The following UCKL1 variants were observed in gnomAD, a reference collection of about 807,000 sequenced individuals.
The protein encoded by UCKL1 is uridine-cytidine kinase-like 1.
In UCKL1, 65 loss-of-function variants were observed where a neutral mutation model predicts 59.2. The observed-to-expected ratio is 1.10, with a 90% confidence interval of 0.90 to 1.35. The LOEUF (loss-of-function observed/expected upper bound fraction) is 1.35, where lower values mean the gene tolerates loss of function less well. Among genes scored for constraint, UCKL1 ranks in the 40% most tolerant of loss-of-function variants. UCKL1 has a pLI of 0.00. For synonymous variants in UCKL1, 410 were observed against 323.1 expected (o/e 1.27, Z -2.88); for missense variants, 703 against 784.3 (o/e 0.90, Z 1.24).
At chr20:63,948,671 G>GAGGGGCGTGTGTGAGAGGC (rs2057037043) in intron 1 of UCKL1, among the ~76,000 whole-genome samples, 1 of 134,376 alleles carries the variant, frequency 7.4e-6, no homozygotes, top group Non-Finnish European at 1.6e-5. Flanking sequence ...GTGTGAGAGG[G>GAGGGGCGTGTGTGAGAGGC]AGGGGGTGTG....
chr20:63,944,662 T>C lies in UCKL1; in HGVS notation c.727A>G (p.Ser243Gly), dbSNP rs1318147762. The change falls in exon 6 of 15, where the codon AGT becomes GGT. Residue 243 changes from serine to glycine, a missense_variant. Ser to Gly is a moderately conservative substitution (Grantham distance 56). This residue lies in a region of UCKL1 where 398 missense variants were observed against 373.0 expected (regional missense o/e 1.07). Transcript: ENST00000354216. ...CCCTCGATGTCCCGGCCGCGCTCAC[T>C]GATGTCCCGGCGCAGCCGCCGTACC... ...RLVRRLRRDISERGRDIEGVI... is the reference protein window; with the variant it reads ...RLVRRLRRDIGERGRDIEGVI... 3 of 1,612,798 alleles carry C rather than the reference T, an allele frequency of 1.9e-6. No individual in the cohort carries two copies. The highest frequency in any genetic ancestry group is 2.5e-6 in the Non-Finnish European group (3 of 1,179,952).
At position 63,940,225 on chromosome 20, in the gene UCKL1, A is replaced by G; in HGVS notation, c.1492T>C (p.Phe498Leu). ...EMGVHSVAYA[F>L]PRVRIITTAV... ...GTGGTGATGATTCTCACTCGCGGAA[A>G]TGCATAGGCCACTGAGTGCACGCCC... is the stretch of plus-strand genomic sequence containing the variant. Residue 498 changes from phenylalanine (F) to leucine (L), a missense_variant, in exon 14 of 15, where the codon TTT (phenylalanine) becomes CTT (leucine). Phe to Leu is a conservative substitution (Grantham distance 22). Around this residue, in one of 4 missense-constraint regions of UCKL1, gnomAD observed 124 missense variants for 161.1 expected, o/e 0.77. Transcript: ENST00000354216. 1.2e-6 allele frequency: 2 copies of G among 1,612,796 alleles called. No individual in the cohort carries two copies. The highest frequency in any genetic ancestry group is 1.7e-5 in the Admixed American group (1 of 60,020).
At position 63,940,788 on chromosome 20, in the gene UCKL1, A is replaced by G. The variant is rs2054163903; in HGVS notation, c.1179+6T>C. 3.1e-6 allele frequency: 5 copies of G among 1,593,888 alleles called. No homozygotes were observed. The highest frequency in any genetic ancestry group is 4.3e-6 in the Non-Finnish European group (5 of 1,171,402). On this transcript the variant is annotated splice_donor_region_variant and intron_variant, in intron 11 of 14. Transcript: ENST00000354216. Reference sequence around the variant, plus strand: ...GTCCCGCGCCCAGGTGTGCCCAGGCAGGTACCTGCTTCCCCGCATAGCACT... The same window carrying G: ...GTCCCGCGCCCAGGTGTGCCCAGGCGGGTACCTGCTTCCCCGCATAGCACT...
Position 63,944,403 on chromosome 20 carries a change from C to T in UCKL1, c.900G>A (p.Leu300=), listed in dbSNP as rs1187658578. ...GACGTGGGACCCCGCTCACCTCCTC[C>T]AGCTGGCTGTGCACGTGCTGCACAA... ...DLIVQHVHSQ[L]EERELSVRAA... The change falls in exon 7 of 15, where the codon CTG becomes CTA. Residue 300 remains leucine, a synonymous_variant. Coordinates refer to ENST00000354216, the MANE Select transcript of UCKL1 (RefSeq NM_017859.4). 1.3e-6 allele frequency: 2 copies of T among 1,564,296 alleles called. No individual in the cohort carries two copies. Among genetic ancestry groups the T allele is most frequent in the Admixed American group, 1.9e-5 (1 of 53,370 alleles).
intron 14 of UCKL1, 36 bp from the exon 15 acceptor site, chr20:63,940,091 G>A (rs755794662): frequency 1.2e-6 from 2 of 1,610,410 alleles, no homozygotes; most frequent in South Asian, 2.2e-5. Context: ...GTGTGGTGGG[G>A]CCTCCCAGGG....
chr20:63,953,737 C>G (rs2058082255), intron 1 of UCKL1: 2 of 152,448 alleles, frequency 1.3e-5, no homozygotes, highest in Non-Finnish European at 2.9e-5. Context: ...TGTGTGGAGA[C>G]CTGGAGGCAG....
Position 63,939,950 on chromosome 20 carries a change from T to G in UCKL1, c.*26A>C. 1 of 1,604,768 alleles carries G rather than the reference T, an allele frequency of 6.2e-7. No individual in the cohort carries two copies. The highest frequency in any genetic ancestry group is 8.5e-7 in the Non-Finnish European group (1 of 1,173,612). Reference sequence around the variant, plus strand: ...GGGTCAGGAGGCAGGAGGAGGGTGGTGGGGACGGGATGGCTCACTGGGCAG... The same window carrying G: ...GGGTCAGGAGGCAGGAGGAGGGTGGGGGGGACGGGATGGCTCACTGGGCAG... On this transcript the variant is annotated 3_prime_UTR_variant, in exon 15 of 15. Coordinates refer to ENST00000354216, the MANE Select transcript of UCKL1 (RefSeq NM_017859.4).
In UCKL1 at chr20:63,940,487, T is replaced by C; in HGVS notation, c.1303-2A>G. ...CTTGGGCAGCCTCAGGTAGTGGAGC[T>C]GCGGGCAGCAGGGGTCAGGCTGCAG... is the stretch of plus-strand genomic sequence containing the variant. On this transcript the variant is annotated splice_acceptor_variant, in intron 12 of 14. Transcript: ENST00000354216. LOFTEE classifies it high-confidence loss of function. 1 of 1,610,544 alleles carries C rather than the reference T, an allele frequency of 6.2e-7. No homozygotes were observed. The highest frequency in any genetic ancestry group is 8.5e-7 in the Non-Finnish European group (1 of 1,179,346).
intron 1 of UCKL1, 55 bp downstream of exon 1, chr20:63,956,205 G>A: frequency 7.1e-7 from 1 of 1,411,802 alleles, no homozygotes; most frequent in Non-Finnish European, 9.3e-7. Flanking sequence ...CAGCTCGGCC[G>A]GATCTGCAGC....
intron 8 of UCKL1, 146 bp downstream of exon 8, chr20:63,943,507 C>G: frequency 1.7e-6 from 2 of 1,173,724 alleles, no homozygotes; most frequent in Non-Finnish European, 2.4e-6. Flanking sequence ...CAAGGGGAGG[C>G]AGAAGCAGGG....
In UCKL1 at chr20:63,956,343, A is replaced by G; in HGVS notation, c.30T>C (p.Ala10=). 1.3e-6 allele frequency: 2 copies of G among 1,547,064 alleles called. No individual in the cohort carries two copies. The highest frequency in any genetic ancestry group is 8.7e-7 in the Non-Finnish European group (1 of 1,149,886). Residue 10 remains alanine (A), a synonymous_variant, in exon 1 of 15, where the codon GCT becomes GCC. Coordinates refer to ENST00000354216, the MANE Select transcript of UCKL1 (RefSeq NM_017859.4). Reference sequence around the variant, plus strand: ...TAGGTGGCGACGTGGGCGAAGGATCAGCGTCCGCGCGGGCCGGGGGCGCAG... The same window carrying G: ...TAGGTGGCGACGTGGGCGAAGGATCGGCGTCCGCGCGGGCCGGGGGCGCAG... MAAPPARAD[A]DPSPTSPPTA...
chr20:63,941,954 G>A (rs1211965604), intron 8 of UCKL1, among the ~76,000 whole-genome samples: 1 of 150,960 alleles, frequency 6.6e-6, no homozygotes, highest in African/African-American at 2.4e-5. Flanking sequence ...GGCAGGGCAC[G>A]GAATTGGGTG....
rs2056625708 is a variant in UCKL1 at position 63,947,712 on chromosome 20, A to C, written c.114-1069T>G. On this transcript the variant is annotated intron_variant, in intron 1 of 14. Transcript: ENST00000354216. ...AAGACAGAAACCTCCGGCATCTGGC[A>C]AACACCAGAGAGGAAAGTGCTGCCA... 2.6e-5 allele frequency among the ~76,000 whole-genome samples: 4 copies of C among 152,264 alleles called. No individual in the cohort carries two copies. In the South Asian group the frequency reaches 8.3e-4, roughly 31 times the overall value.
In UCKL1 at chr20:63,944,628, T is replaced by C. The variant is rs767933641; in HGVS notation, c.761A>G (p.Lys254Arg). 1.2e-6 allele frequency: 2 copies of C among 1,613,078 alleles called. No homozygotes were observed. The highest frequency in any genetic ancestry group is 1.3e-5 in the African/African-American group (1 of 74,942). Reference sequence around the variant, plus strand: ...GGGCTTGACAAACTTGTTGTACTGCTTGATGACACCCTCGATGTCCCGGCC... The same window carrying C: ...GGGCTTGACAAACTTGTTGTACTGCCTGATGACACCCTCGATGTCCCGGCC... The part of the protein sequence containing the change: ...ERGRDIEGVI[K>R]QYNKFVKPSF... The change falls in exon 6 of 15, where the codon AAG (lysine) becomes AGG (arginine). Residue 254 changes from lysine to arginine, a missense_variant. Physicochemically the swap from Lys to Arg is conservative, Grantham distance 26 (BLOSUM62 2). Transcript: ENST00000354216.
In UCKL1 at chr20:63,940,319, T is replaced by A; in HGVS notation, c.1411-13A>T. ...GCACGTCGTGGTCCTACCGAGTGTA[T>A]TGGGCAGGTAAATCCCACCTCTGCC... On this transcript the variant is annotated splice_polypyrimidine_tract_variant and intron_variant, in intron 13 of 14. Transcript: ENST00000354216. The A allele has an allele frequency of 6.8e-6, 11 of 1,612,516 alleles. No homozygotes were observed. The highest frequency in any genetic ancestry group is 9.3e-6 in the Non-Finnish European group (11 of 1,179,856).
In UCKL1 at chr20:63,946,287, C is replaced by A. The variant is rs781409674; in HGVS notation, c.305-20G>T. ...CCAAGCCTGCCGGCGGGAGTGGAGA[C>A]CCTCTGTGAGGAACAGGCAGGCTGC... is the stretch of plus-strand genomic sequence containing the variant. On this transcript the variant is annotated intron_variant, in intron 2 of 14. Transcript: ENST00000354216. 5 of 1,569,754 alleles carry A rather than the reference C, an allele frequency of 3.2e-6. No individual in the cohort carries two copies. The African/African-American group carries it at 5.4e-5, about 17-fold the overall frequency.
intron 1 of UCKL1, among the ~76,000 whole-genome samples, chr20:63,947,671 C>A (rs954036770): frequency 6.6e-6 from 1 of 152,262 alleles, no homozygotes; most frequent in South Asian, 2.1e-4. Flanking sequence ...CTTGCTGTGG[C>A]CCCTCCTGGG....
rs548379642 is a variant in UCKL1, at chr20:63,949,825, A to C, written c.114-3182T>G. ...CAGCACCGCCCTTGCGGCTGCCTGCACTTCCGCCATGCACCCTGGATTCCG... is the reference window on the plus strand; with the variant it reads ...CAGCACCGCCCTTGCGGCTGCCTGCCCTTCCGCCATGCACCCTGGATTCCG... On this transcript the variant is annotated intron_variant, in intron 1 of 14. Transcript: ENST00000354216. Among the ~76,000 whole-genome samples the C allele has an allele frequency of 7.9e-5, 12 of 152,344 alleles. No individual in the cohort carries two copies. The South Asian group carries it at 2.1e-3, about 26-fold the overall frequency.
rs774559290 is a variant in UCKL1 at position 63,945,886 on chromosome 20, G to A, written c.501C>T (p.Ser167=). Residue 167 remains serine, a synonymous_variant, in exon 4 of 15, where the codon TCC becomes TCT. Coordinates refer to ENST00000354216, the MANE Select transcript of UCKL1 (RefSeq NM_017859.4). ...PDAFDFDLII[S]TLKKLKQGKS... The stretch of plus-strand genomic sequence containing the variant: ...TCCCCTGCTTCAGCTTCTTGAGGGT[G>A]GAAATGATGAGGTCGAAGTCAAAGG... 4 of 1,613,850 alleles carry A rather than the reference G, an allele frequency of 2.5e-6. No homozygotes were observed. Among genetic ancestry groups the A allele is most frequent in the Non-Finnish European group, 2.5e-6 (3 of 1,179,994 alleles).
Sources: allele counts gnomAD v4.1 joint callset (sites outside exome capture counted in the v4.1 genomes callset), GRCh38; gene constraint gnomAD v4.1.1; regional missense constraint gnomAD v4.1.1; transcripts MANE v1.5; gene names NCBI Gene and HGNC (gene_info 2026-07-23, HGNC 2026-07-21).